Variants in LCORL observed in about 807,000 individuals in gnomAD.
LCORL encodes ligand dependent nuclear receptor corepressor like, also known as ligand-dependent nuclear receptor corepressor-like protein.
A neutral mutation model predicts 141.8 loss-of-function variants in LCORL; 41 were observed. The ratio of observed to expected loss-of-function variants is 0.29; its 90% CI spans 0.23 to 0.38. The LOEUF is 0.38. Ranked by LOEUF, LCORL falls within the 10% of genes least tolerant of loss-of-function variation. The probability of loss-of-function intolerance (pLI) is 1.00; values close to 1 mark genes in which losing one functional copy is unlikely to be tolerated. For synonymous variants in LCORL, 618 were observed against 694.1 expected (o/e 0.89, Z 1.72); for missense variants, 1,759 against 2,035.0 (o/e 0.86, Z 2.61).
intron 4 of LCORL, among the ~76,000 whole-genome samples, chr4:17,960,513 T>C (rs1255094365): frequency 6.6e-6 from 1 of 152,204 alleles, no homozygotes; most frequent in African/African-American, 2.4e-5. Context: ...AATGTGTATA[T>C]TTCTTCCAGT....
chr4:17,982,396 C>T (rs1163786166), intron 1 of LCORL, among the ~76,000 whole-genome samples: 1 of 152,172 alleles, frequency 6.6e-6, no homozygotes, highest in Non-Finnish European at 1.5e-5. Context: ...TATCCTCCCA[C>T]CAACAGTGTG....
intron 1 of LCORL, among the ~76,000 whole-genome samples, chr4:18,013,956 T>C (rs1403245624): frequency 6.6e-6 from 1 of 151,968 alleles, no homozygotes; most frequent in East Asian, 1.9e-4. Context: ...TACAGGAATG[T>C]GCCACCATGC....
intron 1 of LCORL, among the ~76,000 whole-genome samples, chr4:18,015,253 C>T (rs575576749): frequency 7.2e-5 from 11 of 152,236 alleles, no homozygotes; most frequent in African/African-American, 2.2e-4. Flanking sequence ...GCAGCGCACC[C>T]ATGTAGCCAA....
chr4:17,878,100 A>G (rs2109190618), exon 7 of LCORL: 1 of 1,230,576 alleles, frequency 8.1e-7, no homozygotes, highest in East Asian at 3.2e-5. Flanking sequence ...AAATTTCAAC[A>G]TAGCCAAAAC....
chr4:17,884,805 C>T lies in LCORL; in HGVS notation c.776+1263G>A. The T allele has an allele frequency of 9.7e-7, 1 of 1,028,826 alleles. No individual in the cohort carries two copies. Among genetic ancestry groups the T allele is most frequent in the Middle Eastern group, 2.1e-4 (1 of 4,710 alleles). The allele number at this position is 1,028,826 out of a possible 1,614,324, so 63.7% of individuals were successfully genotyped here. ...AACTGATGCATGAGAGACTCTCACA[C>T]AGCTATGGAAGGGGAGGGTCCACTC... On this transcript the variant is annotated intron_variant, in intron 6 of 7. Coordinates refer to ENST00000635767, the Ensembl canonical transcript of LCORL. This position sits in a 1 kb window ranked among gnomAD's most constrained non-coding sequence, Gnocchi z 4.4.
At chr4:17,980,777 G>A (rs962449944) in intron 1 of LCORL, among the ~76,000 whole-genome samples, 5 of 152,154 alleles carry the variant, frequency 3.3e-5, no homozygotes, top group African/African-American at 1.2e-4. Context: ...GCGGGCAAGC[G>A]AGCATTACCT....
intron 4 of LCORL, among the ~76,000 whole-genome samples, chr4:17,960,850 T>C (rs1160308279): frequency 1.3e-5 from 2 of 152,088 alleles, no homozygotes; most frequent in Non-Finnish European, 2.9e-5. Flanking sequence ...AAGGAAAAGA[T>C]TTTCAGTCTC....
At chr4:17,888,113 C>A (rs1728546603) in intron 5 of LCORL, among the ~76,000 whole-genome samples, 1 of 152,024 alleles carries the variant, frequency 6.6e-6, no homozygotes, top group South Asian at 2.1e-4. Flanking sequence ...AAGGCAGAGA[C>A]CATGCATATT....
intron 1 of LCORL, among the ~76,000 whole-genome samples, chr4:18,000,001 A>T (rs553894917): frequency 6.6e-6 from 1 of 152,234 alleles, no homozygotes; most frequent in Non-Finnish European, 1.5e-5. Context: ...GATGCCTGGC[A>T]CATTAAAAAC....
chr4:17,937,226 G>C (rs577422553), intron 4 of LCORL, among the ~76,000 whole-genome samples: 1 of 152,106 alleles, frequency 6.6e-6, no homozygotes, highest in Admixed American at 6.5e-5. Context: ...ACATTCTATT[G>C]CAATTGTTTT....
intron 1 of LCORL, among the ~76,000 whole-genome samples, chr4:18,010,046 C>G (rs953419403): frequency 6.6e-6 from 1 of 152,082 alleles, no homozygotes; most frequent in Non-Finnish European, 1.5e-5. Context: ...AAAGAGACAC[C>G]AGTGAATAAA....
intron 4 of LCORL, among the ~76,000 whole-genome samples, chr4:17,923,345 G>A (rs1271199052): frequency 6.6e-6 from 1 of 152,130 alleles, no homozygotes; most frequent in Non-Finnish European, 1.5e-5. Flanking sequence ...GCTGAAATAT[G>A]GATTAAATAT....
chr4:17,885,930 TGA>T (rs1172573347), intron 6 of LCORL, 136 bp downstream of exon 6: 4 of 407,758 alleles, frequency 9.8e-6, no homozygotes, highest in East Asian at 3.8e-5. Flanking sequence ...ATGAAAGGTA[TGA>T]GAGAGAGACA....
At chr4:17,851,840 A>G (rs1330183811) in intron 7 of LCORL, among the ~76,000 whole-genome samples, 2 of 152,214 alleles carry the variant, frequency 1.3e-5, no homozygotes, top group East Asian at 3.8e-4. Context: ...AATGTATAAT[A>G]AAACTTACAG....
chr4:17,951,625 T>C (rs1238067792), intron 4 of LCORL, among the ~76,000 whole-genome samples: 2 of 152,326 alleles, frequency 1.3e-5, no homozygotes, highest in South Asian at 2.1e-4. Flanking sequence ...ATGGCATTTA[T>C]CTATATTCAT....
Position 17,971,549 on chromosome 4 carries a change from T to C in LCORL, c.220+1271A>G, listed in dbSNP as rs186463668. 8.4e-4 allele frequency among the ~76,000 whole-genome samples: 127 copies of C among 151,832 alleles called. 1 individual carries two copies. The East Asian group carries it at 0.014, about 17-fold the overall frequency. On this transcript the variant is annotated intron_variant, in intron 2 of 7. Transcript: ENST00000635767. ...GCATACTTATTTGATTATTTTCTTGTGATACCTAAAAATACAGTGTAGTTA... is the reference window on the plus strand; with the variant it reads ...GCATACTTATTTGATTATTTTCTTGCGATACCTAAAAATACAGTGTAGTTA...
intron 4 of LCORL, among the ~76,000 whole-genome samples, chr4:17,920,282 A>G (rs1734079304): frequency 1.3e-5 from 2 of 152,194 alleles, no homozygotes; most frequent in Admixed American, 1.3e-4. Flanking sequence ...CTGGTCACAG[A>G]AGTCTTTTTC....
chr4:17,944,400 ATT>A (rs1485527052), intron 4 of LCORL, among the ~76,000 whole-genome samples: 1 of 152,020 alleles, frequency 6.6e-6, no homozygotes, highest in Non-Finnish European at 1.5e-5. Context: ...CTTCCTTCTC[ATT>A]TATTTATTCA....
intron 4 of LCORL, among the ~76,000 whole-genome samples, chr4:17,922,306 C>T (rs927453577): frequency 6.6e-6 from 1 of 152,136 alleles, no homozygotes; most frequent in Non-Finnish European, 1.5e-5. Context: ...AAGGACTCTA[C>T]TTCTAAAAGT....
Sources: gnomAD v4.1 joint callset for allele counts (sites outside exome capture counted in the v4.1 genomes callset) on GRCh38, gnomAD v4.1.1 for gene constraint, Gnocchi (gnomAD v3.1) non-coding constraint, MANE v1.5 for transcripts, NCBI Gene and HGNC (gene_info 2026-07-23, HGNC 2026-07-21) for gene names.